BTBD9: variants seen among roughly 807,000 people sequenced by gnomAD.
BTBD9 encodes the protein BTB/POZ domain-containing protein 9.
A neutral mutation model predicts 64.3 loss-of-function variants in BTBD9; 49 were observed. That is an observed-to-expected ratio of 0.76 (90% CI 0.61 to 0.97). The LOEUF (loss-of-function observed/expected upper bound fraction) is 0.97, where lower values mean the gene tolerates loss of function less well. Ranked by LOEUF, BTBD9 falls within the 50% of genes least tolerant of loss-of-function variation. The pLI is 0.00. For synonymous variants in BTBD9, 260 were observed against 274.7 expected, an observed-to-expected ratio of 0.95 and a Z score of 0.53; for missense variants, 598 against 762.1, an observed-to-expected ratio of 0.78 and a Z score of 2.53.
rs146032456 is a variant in BTBD9 at position 38,246,461 on chromosome 6, C to CGTGT, written c.1562+9944_1562+9947dup. Among the ~76,000 whole-genome samples the CGTGT allele has an allele frequency of 8.0e-5, 12 of 150,894 alleles. No individual in the cohort carries two copies. In the East Asian group the frequency reaches 1.2e-3, roughly 15 times the overall value. On this transcript the variant is annotated intron_variant, in intron 9 of 10. Transcript: ENST00000481247. ...GTCAGACTTGGCGCACGTGCACGTA[C>CGTGT]GTGTGTGTGTGTGTGTATTGTCTAA...
At chr6:38,239,643 T>C (rs1763925491) in intron 9 of BTBD9, among the ~76,000 whole-genome samples, 1 of 152,104 alleles carries the variant, frequency 6.6e-6, no homozygotes, top group African/African-American at 2.4e-5. Flanking sequence ...CTGGAGCCAA[T>C]ATACTTGACT....
chr6:38,433,851 A>G (rs149197935), intron 6 of BTBD9, among the ~76,000 whole-genome samples: 1 of 152,102 alleles, frequency 6.6e-6, no homozygotes, highest in African/African-American at 2.4e-5. Context: ...ATAACAACAG[A>G]GACCATGTCT....
intron 9 of BTBD9, among the ~76,000 whole-genome samples, chr6:38,217,734 C>T (rs1252134429): frequency 2.0e-5 from 3 of 150,250 alleles, no homozygotes; most frequent in East Asian, 1.9e-4. Flanking sequence ...ACAGCCAACA[C>T]GTGGGCCCAG....
chr6:38,410,213 A>G (rs558766495), intron 6 of BTBD9, among the ~76,000 whole-genome samples: 1 of 152,188 alleles, frequency 6.6e-6, no homozygotes, highest in East Asian at 1.9e-4. Flanking sequence ...GCTCACACCT[A>G]TAATCCCAGC....
rs192252228 is a variant in BTBD9, at chr6:38,531,234, T to C, written c.1154+46366A>G. The stretch of plus-strand genomic sequence containing the variant: ...CAACATTCAAAGGAGTTCCAATAGG[T>C]CTGGCAGAAGACTTCTCAGAAGAAA... On this transcript the variant is annotated intron_variant, in intron 6 of 10. Coordinates refer to ENST00000481247, the MANE Select transcript of BTBD9 (RefSeq NM_001099272.2). Among the ~76,000 whole-genome samples the C allele has an allele frequency of 2.0e-5, 3 of 152,256 alleles. No homozygotes were observed. In the East Asian group the frequency reaches 5.8e-4, roughly 29 times the overall value.
At chr6:38,482,795 G>C (rs755575485) in intron 6 of BTBD9, among the ~76,000 whole-genome samples, 1 of 152,082 alleles carries the variant, frequency 6.6e-6, no homozygotes, top group Non-Finnish European at 1.5e-5. Flanking sequence ...TGCAAAAACA[G>C]AGCTTGAGGC....
At position 38,433,978 on chromosome 6, in the gene BTBD9, G is replaced by A. The variant is rs528300566; in HGVS notation, c.1155-88885C>T. Among the ~76,000 whole-genome samples, 3 of 152,038 alleles carry A rather than the reference G, an allele frequency of 2.0e-5. No individual in the cohort carries two copies. In the South Asian group the frequency reaches 6.2e-4, roughly 32 times the overall value. On this transcript the variant is annotated intron_variant, in intron 6 of 10. Transcript: ENST00000481247. ...TATCCTGGCCAAATTCTTCTCTAAG[G>A]GGTCTGGCGAGTCATGCTCTACAAA...
chr6:38,395,061 T>A (rs1376213353), intron 6 of BTBD9, among the ~76,000 whole-genome samples: 2 of 151,988 alleles, frequency 1.3e-5, no homozygotes, highest in Non-Finnish European at 2.9e-5. Flanking sequence ...TGGACAGAAT[T>A]AGGAGGTGGG....
At chr6:38,325,414 G>A (rs1020906741) in intron 7 of BTBD9, among the ~76,000 whole-genome samples, 2 of 152,180 alleles carry the variant, frequency 1.3e-5, no homozygotes, top group Admixed American at 1.3e-4. Flanking sequence ...GGCTGGGTGC[G>A]GTGGCTCATG....
intron 1 of BTBD9, among the ~76,000 whole-genome samples, chr6:38,601,919 T>C (rs1777255940): frequency 6.6e-6 from 1 of 152,120 alleles, no homozygotes; most frequent in Non-Finnish European, 1.5e-5. Flanking sequence ...TAGAAAATAT[T>C]AGTAAAAAGA....
intron 8 of BTBD9, among the ~76,000 whole-genome samples, chr6:38,287,104 A>ATAAT (rs1761760209): frequency 1.6e-5 from 2 of 122,256 alleles, no homozygotes; most frequent in African/African-American, 6.4e-5. Context: ...AAAAAAAAAA[A>ATAAT]AATATACACA....
intron 1 of BTBD9, among the ~76,000 whole-genome samples, chr6:38,635,931 G>A (rs1778513851): frequency 6.6e-6 from 1 of 152,086 alleles, no homozygotes; most frequent in Non-Finnish European, 1.5e-5. Flanking sequence ...ACGTCCAAAA[G>A]TTCCATTCAC....
chr6:38,238,535 C>T (rs1438518610), intron 9 of BTBD9, among the ~76,000 whole-genome samples: 1 of 143,562 alleles, frequency 7.0e-6, no homozygotes, highest in Non-Finnish European at 1.5e-5. Flanking sequence ...TGCAGTGGCA[C>T]GATCTCGGCT....
At chr6:38,488,186 AGCTAT>A in intron 6 of BTBD9, among the ~76,000 whole-genome samples, 1 of 152,100 alleles carries the variant, frequency 6.6e-6, no homozygotes, top group East Asian at 1.9e-4. Context: ...CCTGGCTTCA[AGCTAT>A]CCTCCCACTT....
chr6:38,507,721 A>G (rs1026115184), intron 6 of BTBD9, among the ~76,000 whole-genome samples: 1 of 151,622 alleles, frequency 6.6e-6, no homozygotes, highest in Non-Finnish European at 1.5e-5. Flanking sequence ...CTGAAACGTT[A>G]GTGCTTCTAA....
intron 1 of BTBD9, among the ~76,000 whole-genome samples, chr6:38,615,877 T>A (rs373486812): frequency 1.3e-5 from 2 of 151,970 alleles, no homozygotes; most frequent in Non-Finnish European, 2.9e-5. Context: ...GAGTTACACA[T>A]ATGAGGATGG....
intron 8 of BTBD9, among the ~76,000 whole-genome samples, chr6:38,287,109 TACACAC>T (rs70981534): frequency 0.012 from 1,012 of 87,008 alleles, 22 homozygotes; most frequent in African/African-American, 0.043. Flanking sequence ...AAAAAAAATA[TACACAC>T]ACACACACAC....
chr6:38,482,836 C>T (rs1771219395), intron 6 of BTBD9, among the ~76,000 whole-genome samples: 1 of 152,160 alleles, frequency 6.6e-6, no homozygotes, highest in South Asian at 2.1e-4. Flanking sequence ...CACCAAGGCA[C>T]AAGCACTGTC....
intron 1 of BTBD9, among the ~76,000 whole-genome samples, chr6:38,601,956 T>G (rs896633713): frequency 6.6e-6 from 1 of 152,132 alleles, no homozygotes; most frequent in South Asian, 2.1e-4. Flanking sequence ...GCAAAACACA[T>G]GTAACATGTA....
Sources: gnomAD v4.1 joint callset for allele counts (sites outside exome capture counted in the v4.1 genomes callset) on GRCh38, gnomAD v4.1.1 for gene constraint, MANE v1.5 for transcripts, NCBI Gene and HGNC (gene_info 2026-07-23, HGNC 2026-07-21) for gene names.